PCNX2: variants seen among roughly 807,000 people sequenced by gnomAD.
The protein encoded by PCNX2 is pecanex-like protein 2.
A neutral mutation model predicts 223.8 loss-of-function variants in PCNX2; 168 were observed. That is an observed-to-expected ratio of 0.75 (90% CI 0.66 to 0.85). The LOEUF (loss-of-function observed/expected upper bound fraction) is 0.85. Ranked by LOEUF, PCNX2 falls within the 40% of genes least tolerant of loss-of-function variation. The pLI, the probability that PCNX2 is intolerant of heterozygous loss-of-function variation, is 0.00. For synonymous variants in PCNX2, 1,006 were observed against 1,052.6 expected (o/e 0.96, Z 0.86); for missense variants, 2,507 against 2,675.5 (o/e 0.94, Z 1.39).
chr1:233,131,332 A>G (rs146449257), intron 21 of PCNX2, among the ~76,000 whole-genome samples: 22 of 152,282 alleles, frequency 1.4e-4, no homozygotes, highest in South Asian at 1.0e-3. Flanking sequence ...AAGCACAACA[A>G]TGGGGCCTTC....
intron 19 of PCNX2, among the ~76,000 whole-genome samples, chr1:233,154,998 G>A (rs577534103): frequency 6.6e-6 from 1 of 150,980 alleles, no homozygotes; most frequent in Admixed American, 6.6e-5. Context: ...GAACCCAGAG[G>A]GTGGAAGTTG....
At chr1:233,275,743 G>A (rs754872662) in intron 1 of PCNX2, among the ~76,000 whole-genome samples, 6 of 152,042 alleles carry the variant, frequency 3.9e-5, no homozygotes, top group Non-Finnish European at 7.4e-5. Flanking sequence ...TAATAGACAA[G>A]GGGTGAGGCT....
intron 15 of PCNX2, among the ~76,000 whole-genome samples, chr1:233,190,238 A>G (rs534613812): frequency 1.3e-5 from 2 of 152,308 alleles, no homozygotes; most frequent in South Asian, 4.1e-4. Context: ...CCAGCAATGC[A>G]AAGAGTAAGC....
chr1:233,215,563 C>T (rs1026540446), intron 12 of PCNX2, among the ~76,000 whole-genome samples: 2 of 152,218 alleles, frequency 1.3e-5, no homozygotes, highest in Non-Finnish European at 2.9e-5. Context: ...TGCAGCTGTA[C>T]TTGCCATCCA....
chr1:233,271,066 A>G lies in PCNX2; in HGVS notation c.154-7903T>C, dbSNP rs116150250. On this transcript the variant is annotated intron_variant, in intron 1 of 33. Coordinates refer to ENST00000258229, the MANE Select transcript of PCNX2 (RefSeq NM_014801.4). ...GTTGTCGTTTTCATTTTAAATGGCC[A>G]TGGTAAGAGTTAACATAATACTTAT... Among the ~76,000 whole-genome samples the G allele has an allele frequency of 5.9e-5, 9 of 152,320 alleles. No individual in the cohort carries two copies. The East Asian group carries it at 1.7e-3, about 29-fold the overall frequency.
At position 233,222,371 on chromosome 1, in the gene PCNX2, G is replaced by A. The variant is rs1487028687; in HGVS notation, c.2505-4187C>T. The stretch of plus-strand genomic sequence containing the variant: ...GCTGGGCAGTCGGTAAAGCAGTGAC[G>A]TTGAAAAGACATATTGTGTTGGGTT... On this transcript the variant is annotated intron_variant, in intron 10 of 33. Coordinates refer to ENST00000258229, the MANE Select transcript of PCNX2 (RefSeq NM_014801.4). Among the ~76,000 whole-genome samples, 5 of 152,210 alleles carry A rather than the reference G, an allele frequency of 3.3e-5. No homozygotes were observed. In the East Asian group the frequency reaches 5.8e-4, roughly 18 times the overall value.
chr1:232,989,402 C>T (rs912791026), intron 32 of PCNX2, among the ~76,000 whole-genome samples: 13 of 151,830 alleles, frequency 8.6e-5, no homozygotes, highest in Admixed American at 2.6e-4. Flanking sequence ...TGCAGTGAGC[C>T]GAGATAGCGC....
chr1:233,160,794 A>G (rs1246600922), intron 18 of PCNX2, among the ~76,000 whole-genome samples: 3 of 152,152 alleles, frequency 2.0e-5, no homozygotes, highest in Non-Finnish European at 4.4e-5. Flanking sequence ...TTGTATAGAG[A>G]AAGCAACTGT....
chr1:233,137,310 G>T lies in PCNX2; in HGVS notation c.3660-2120C>A, dbSNP rs1676867639. The stretch of plus-strand genomic sequence containing the variant: ...AGTGTGAGTGAGTGTGAGTGTGGGT[G>T]TGAGTGTGTTCTGCGATGGGAGGCA... On this transcript the variant is annotated intron_variant, in intron 20 of 33. Transcript: ENST00000258229. 3.3e-5 allele frequency among the ~76,000 whole-genome samples: 5 copies of T among 151,144 alleles called. 1 individual carries two copies. The South Asian group carries it at 1.0e-3, about 32-fold the overall frequency.
chr1:233,085,150 T>A (rs748337364), intron 23 of PCNX2, among the ~76,000 whole-genome samples: 3 of 152,100 alleles, frequency 2.0e-5, no homozygotes, highest in Admixed American at 6.5e-5. Context: ...CTGAACAACA[T>A]GGTGAAACCC....
the PCNX2 span, among the ~76,000 whole-genome samples, chr1:233,325,090 T>C: frequency 2.0e-5 from 3 of 152,182 alleles, no homozygotes; most frequent in Non-Finnish European, 4.4e-5. Flanking sequence ...CACTTTGACT[T>C]TTAAGTCTTA....
chr1:233,166,323 T>A (rs13375072), intron 17 of PCNX2, among the ~76,000 whole-genome samples: 7,342 of 152,210 alleles, frequency 0.048, 635 homozygotes, highest in African/African-American at 0.17. Flanking sequence ...GAAATCTTAA[T>A]GATCCTGGAT....
chr1:233,237,783 G>C (rs1658507065), intron 8 of PCNX2, among the ~76,000 whole-genome samples: 1 of 152,122 alleles, frequency 6.6e-6, no homozygotes, highest in African/African-American at 2.4e-5. Flanking sequence ...CTTTGGAAGA[G>C]ACATGAGGTC....
At chr1:233,133,174 C>T (rs892383041) in intron 21 of PCNX2, among the ~76,000 whole-genome samples, 5 of 152,156 alleles carry the variant, frequency 3.3e-5, no homozygotes, top group Admixed American at 1.3e-4. Context: ...GCTAGGATTA[C>T]AGGCGTGAGC....
At chr1:233,159,147 C>T (rs1678309855) in intron 19 of PCNX2, among the ~76,000 whole-genome samples, 1 of 151,856 alleles carries the variant, frequency 6.6e-6, no homozygotes, top group Non-Finnish European at 1.5e-5. Context: ...TCTGAGTTAC[C>T]CTCCCTGCAC....
At chr1:233,243,551 TA>T (rs1658913533) in intron 8 of PCNX2, among the ~76,000 whole-genome samples, 1 of 152,234 alleles carries the variant, frequency 6.6e-6, no homozygotes, top group Non-Finnish European at 1.5e-5. Context: ...ATACAACAGG[TA>T]TTTAAGGGGA....
rs374768459 is a variant in PCNX2 at position 233,160,418 on chromosome 1, C to T, written c.3382G>A (p.Val1128Met). The T allele has an allele frequency of 2.7e-5, 43 of 1,613,574 alleles. No homozygotes were observed. The highest frequency in any genetic ancestry group is 1.6e-4 in the South Asian group (15 of 91,064). The part of the protein sequence containing the change: ...FLSLRPFLSI[V>M]LFALAGAVGF... ...ACGGCTCCAGCCAAGGCAAACAGCA[C>T]GATGCTGAGAAATGGCTGCGATAAA... The change falls in exon 19 of 34, where the codon GTG becomes ATG. Residue 1128 changes from valine to methionine, a missense_variant. Val to Met is a conservative substitution (Grantham distance 21). This residue lies in a region of PCNX2 where 1,372 missense variants were observed against 1,509.4 expected (regional missense o/e 0.91). Coordinates refer to ENST00000258229, the MANE Select transcript of PCNX2 (RefSeq NM_014801.4).
rs10157454 is a variant in PCNX2, at chr1:233,021,524, A to G, written c.4605+3622T>C. ...AAAGAAAAAAAAGTCCTTGGGTCCC[A>G]CCCCAGGCCCATGGAATTCGAATGT... On this transcript the variant is annotated intron_variant, in intron 26 of 33. Transcript: ENST00000258229. 9.8e-3 allele frequency among the ~76,000 whole-genome samples: 1,494 copies of G among 152,164 alleles called. 23 individuals carry two copies. Among genetic ancestry groups the G allele is most frequent in the African/African-American group, 0.033 (1,370 of 41,524 alleles).
chr1:233,009,872 G>A (rs1431048870), intron 28 of PCNX2, among the ~76,000 whole-genome samples: 1 of 152,178 alleles, frequency 6.6e-6, no homozygotes, highest in Non-Finnish European at 1.5e-5. Context: ...GAGCCCATAC[G>A]CCAGGCCCAG....
Sources: gnomAD v4.1 joint callset for allele counts (sites outside exome capture counted in the v4.1 genomes callset) on GRCh38, gnomAD v4.1.1 for gene constraint, gnomAD v4.1.1 regional missense constraint, MANE v1.5 for transcripts, NCBI Gene and HGNC (gene_info 2026-07-23, HGNC 2026-07-21) for gene names.